SLC8A1: variants seen among roughly 807,000 people sequenced by gnomAD.
SLC8A1 encodes the protein solute carrier family 8 member A1, also known as sodium/calcium exchanger 1.
In SLC8A1, 18 loss-of-function variants were observed where a neutral mutation model predicts 68.3. That is an observed-to-expected ratio of 0.26 (90% CI 0.18 to 0.39). SLC8A1 has a LOEUF of 0.39. Ranked by LOEUF, SLC8A1 falls within the 10% of genes least tolerant of loss-of-function variation. The pLI is 1.00. For missense variants in SLC8A1, 985 were observed against 1,156.7 expected, an observed-to-expected ratio of 0.85 and a Z score of 2.15; for synonymous variants, 475 against 415.5, an observed-to-expected ratio of 1.14 and a Z score of -1.74.
intron 2 of SLC8A1, among the ~76,000 whole-genome samples, chr2:40,233,061 G>C (rs1053091372): frequency 6.6e-6 from 1 of 152,044 alleles, no homozygotes; most frequent in Non-Finnish European, 1.5e-5. Context: ...GTAAACATAC[G>C]TGTGCATGTG....
intron 2 of SLC8A1, among the ~76,000 whole-genome samples, chr2:40,330,102 AT>A (rs2149370346): frequency 6.6e-6 from 1 of 152,352 alleles, no homozygotes; most frequent in East Asian, 1.9e-4. Context: ...ATAAAAATGA[AT>A]TTTAAATAAT....
chr2:40,472,022 T>C (rs763886769), intron 1 of SLC8A1, among the ~76,000 whole-genome samples: 1 of 152,158 alleles, frequency 6.6e-6, no homozygotes, highest in Non-Finnish European at 1.5e-5. Context: ...CGGTTGACTA[T>C]GAACAAACAT....
At chr2:40,451,764 C>CAA (rs1413925834) in intron 1 of SLC8A1, 140 bp downstream of exon 1, 2 of 155,134 alleles carry the variant, frequency 1.3e-5, no homozygotes, top group Non-Finnish European at 1.4e-5. Flanking sequence ...CACACACACA[C>CAA]ACACACACAC....
At chr2:40,298,611 T>A (rs575474993) in intron 2 of SLC8A1, among the ~76,000 whole-genome samples, 2 of 152,274 alleles carry the variant, frequency 1.3e-5, no homozygotes, top group East Asian at 1.9e-4. Context: ...TCCAGATAAA[T>A]CCTACCATTT....
At chr2:40,379,926 T>G (rs1371134733) in intron 2 of SLC8A1, among the ~76,000 whole-genome samples, 1 of 152,072 alleles carries the variant, frequency 6.6e-6, no homozygotes, top group Non-Finnish European at 1.5e-5. Context: ...ATGGAGCCAT[T>G]AGGAAAGAGC....
At chr2:40,357,667 G>A (rs1477158548) in intron 2 of SLC8A1, among the ~76,000 whole-genome samples, 3 of 152,152 alleles carry the variant, frequency 2.0e-5, no homozygotes, top group African/African-American at 7.2e-5. Flanking sequence ...TTCTGCACAT[G>A]TATCCGAGAA....
At chr2:40,179,653 T>A (rs760793638) in intron 2 of SLC8A1, among the ~76,000 whole-genome samples, 10 of 152,252 alleles carry the variant, frequency 6.6e-5, no homozygotes, top group Non-Finnish European at 1.5e-4. Flanking sequence ...AACGGAATTT[T>A]AACAGCATGG....
chr2:40,465,858 A>C (rs1703639950), intron 1 of SLC8A1, among the ~76,000 whole-genome samples: 1 of 152,168 alleles, frequency 6.6e-6, no homozygotes, highest in South Asian at 2.1e-4. Flanking sequence ...TGTTTAGGTC[A>C]TGAGAACCCT....
At chr2:40,151,366 C>T (rs1372114713) in intron 6 of SLC8A1, among the ~76,000 whole-genome samples, 4 of 152,062 alleles carry the variant, frequency 2.6e-5, no homozygotes, top group Non-Finnish European at 4.4e-5. Context: ...GATTGGAAAA[C>T]TTTAATTCAC....
intron 2 of SLC8A1, among the ~76,000 whole-genome samples, chr2:40,421,343 A>G (rs1286143303): frequency 6.6e-6 from 1 of 152,192 alleles, no homozygotes; most frequent in Non-Finnish European, 1.5e-5. Flanking sequence ...TAGGGGACAG[A>G]GAGCTCAAAT....
At chr2:40,473,646 G>A (rs938675011) in intron 1 of SLC8A1, among the ~76,000 whole-genome samples, 6 of 152,202 alleles carry the variant, frequency 3.9e-5, no homozygotes, top group African/African-American at 1.4e-4. Flanking sequence ...TATGAAATGG[G>A]TTGCCACACA....
chr2:40,507,984 A>T (rs1245944414), intron 1 of SLC8A1, among the ~76,000 whole-genome samples: 1 of 152,134 alleles, frequency 6.6e-6, no homozygotes, highest in Non-Finnish European at 1.5e-5. Context: ...AAGCAATAAA[A>T]GTAGTAAAGA....
intron 2 of SLC8A1, among the ~76,000 whole-genome samples, chr2:40,200,743 G>A (rs1031852119): frequency 5.9e-5 from 9 of 151,742 alleles, no homozygotes; most frequent in East Asian, 5.8e-4. Flanking sequence ...AACTATTGCC[G>A]TGAGCCAGAA....
intron 2 of SLC8A1, among the ~76,000 whole-genome samples, chr2:40,370,898 T>C (rs1677809568): frequency 6.6e-6 from 1 of 152,076 alleles, no homozygotes; most frequent in Non-Finnish European, 1.5e-5. Flanking sequence ...CCAAAGCTCA[T>C]GAAGCCAAGG....
At chr2:40,149,885 C>T (rs1411331402) in intron 6 of SLC8A1, among the ~76,000 whole-genome samples, 1 of 152,026 alleles carries the variant, frequency 6.6e-6, no homozygotes, top group African/African-American at 2.4e-5. Flanking sequence ...CAGTAGGTAA[C>T]ATCAGAGGGC....
chr2:40,188,409 C>T (rs1259623868), intron 2 of SLC8A1, among the ~76,000 whole-genome samples: 8 of 152,176 alleles, frequency 5.3e-5, no homozygotes, highest in African/African-American at 1.7e-4. Context: ...ATCAGTTCTC[C>T]ATTTGCCACT....
chr2:40,378,412 A>G (rs1680649774), intron 2 of SLC8A1, among the ~76,000 whole-genome samples: 1 of 152,130 alleles, frequency 6.6e-6, no homozygotes, highest in Non-Finnish European at 1.5e-5. Context: ...TACAAGACCT[A>G]GAAAAACTGA....
chr2:40,403,416 T>G (rs1689344292), intron 2 of SLC8A1, among the ~76,000 whole-genome samples: 2 of 150,962 alleles, frequency 1.3e-5, no homozygotes, highest in Admixed American at 1.3e-4. Context: ...CTATTCCCCA[T>G]TCCCCATCCG....
rs533406591 is a variant in SLC8A1, at chr2:40,336,313, A to G, written c.1808+92160T>C. Among the ~76,000 whole-genome samples, 6 of 152,320 alleles carry G rather than the reference A, an allele frequency of 3.9e-5. No homozygotes were observed. In the South Asian group the frequency reaches 1.2e-3, roughly 32 times the overall value. On this transcript the variant is annotated intron_variant, in intron 2 of 7. Coordinates refer to ENST00000406785, the Ensembl canonical transcript of SLC8A1. Reference sequence around the variant, plus strand: ...TACCAATGTCCAGTATATCTTATACACTCAAATGAGTAAACAAATTAATGA... The same window carrying G: ...TACCAATGTCCAGTATATCTTATACGCTCAAATGAGTAAACAAATTAATGA...
Sources: allele counts gnomAD v4.1 joint callset (sites outside exome capture counted in the v4.1 genomes callset), GRCh38; gene constraint gnomAD v4.1.1; transcripts MANE v1.5; gene names NCBI Gene and HGNC (gene_info 2026-07-23, HGNC 2026-07-21).